Variants in CSRNP3 observed in about 807,000 individuals in gnomAD.
The protein encoded by CSRNP3 is cysteine/serine-rich nuclear protein 3.
CSRNP3 carries 12 observed loss-of-function variants against 48.0 expected under a neutral mutation model. The observed-to-expected ratio is 0.25, with a 90% CI of 0.16 to 0.41. The LOEUF is 0.41. Among genes scored for constraint, CSRNP3 ranks in the 10% least tolerant of loss-of-function variants. The probability of loss-of-function intolerance (pLI) is 1.00; values close to 1 mark genes in which losing one functional copy is unlikely to be tolerated. For synonymous variants in CSRNP3, 263 were observed against 269.7 expected (o/e 0.98, Z 0.24); for missense variants, 580 against 724.4 (o/e 0.80, Z 2.29).
chr2:165,669,739 C>T (rs932581336), intron 5 of CSRNP3, among the ~76,000 whole-genome samples: 4 of 152,116 alleles, frequency 2.6e-5, no homozygotes, highest in Non-Finnish European at 5.9e-5. Context: ...CAAGTTTACA[C>T]AGTGGCTTAA....
chr2:165,676,519 C>T lies in CSRNP3; in HGVS notation c.616C>T (p.Arg206Cys). ...AGAAAAGCACGAACTCCGAGCCATCCGCCTCTCACGAGAGGACTGTGGCTG... is the reference window on the plus strand; with the variant it reads ...AGAAAAGCACGAACTCCGAGCCATCTGCCTCTCACGAGAGGACTGTGGCTG... The part of the protein sequence containing the change: ...VEEKHELRAI[R>C]LSREDCGCDC... Residue 206 changes from arginine (R) to cysteine (C), a missense_variant, in exon 6 of 7, where the codon CGC becomes TGC. By Grantham distance (180) the Arg-to-Cys change is radical (BLOSUM62 -3). Around this residue, in one of 4 missense-constraint regions of CSRNP3, gnomAD observed 66 missense variants for 137.6 expected, o/e 0.48. Coordinates refer to ENST00000651982, the MANE Select transcript of CSRNP3 (RefSeq NM_001172173.2). The T allele has an allele frequency of 2.5e-6, 4 of 1,613,972 alleles. No homozygotes were observed. Among genetic ancestry groups the T allele is most frequent in the Non-Finnish European group, 3.4e-6 (4 of 1,179,884 alleles).
At chr2:165,621,212 A>C (rs1686333715) in intron 4 of CSRNP3, among the ~76,000 whole-genome samples, 1 of 151,702 alleles carries the variant, frequency 6.6e-6, no homozygotes, top group Non-Finnish European at 1.5e-5. Flanking sequence ...GTCCTGTCTG[A>C]CCACAGATGT....
At chr2:165,517,771 T>C (rs1382635936) in intron 2 of CSRNP3, 102 bp from the exon 3 acceptor site, 1 of 152,414 alleles carries the variant, frequency 6.6e-6, no homozygotes, top group Non-Finnish European at 1.5e-5. Flanking sequence ...AAGATTTCTA[T>C]TGATTTTCTC....
At chr2:165,481,069 A>G (rs1407274057) in intron 1 of CSRNP3, among the ~76,000 whole-genome samples, 1 of 151,998 alleles carries the variant, frequency 6.6e-6, no homozygotes, top group African/African-American at 2.4e-5. Flanking sequence ...AATAAACCAA[A>G]CATGTCCCTT....
intron 4 of CSRNP3, among the ~76,000 whole-genome samples, chr2:165,653,418 G>A (rs1043512333): frequency 2.0e-4 from 30 of 152,194 alleles, no homozygotes; most frequent in African/African-American, 6.5e-4. Flanking sequence ...CCTTTTGACA[G>A]TGTCAGCTCT....
intron 1 of CSRNP3, among the ~76,000 whole-genome samples, chr2:165,489,328 C>A (rs1456101789): frequency 7.0e-6 from 1 of 143,374 alleles, no homozygotes; most frequent in Admixed American, 7.0e-5. Context: ...CAAAAAGAGT[C>A]CAGGACCAGA....
chr2:165,653,377 TAATA>T (rs901860524), intron 4 of CSRNP3, among the ~76,000 whole-genome samples: 27 of 152,326 alleles, frequency 1.8e-4, no homozygotes, highest in African/African-American at 6.3e-4. Flanking sequence ...TTATGAACCC[TAATA>T]GATAGGAGGA....
chr2:165,678,611 T>C lies in CSRNP3; in HGVS notation c.706-90T>C, dbSNP rs1359621491. Reference sequence around the variant, plus strand: ...CATATGTGGAATTAAGTGGATGGATTACTTAATTCAAAGAAGTTACTGAAA... The same window carrying C: ...CATATGTGGAATTAAGTGGATGGATCACTTAATTCAAAGAAGTTACTGAAA... On this transcript the variant is annotated intron_variant, in intron 6 of 6. Coordinates refer to ENST00000651982, the MANE Select transcript of CSRNP3 (RefSeq NM_001172173.2). 5 of 1,430,300 alleles carry C rather than the reference T, an allele frequency of 3.5e-6. No homozygotes were observed. The East Asian group carries it at 1.1e-4, about 33-fold the overall frequency. The allele number at this position is 1,430,300 out of a possible 1,614,324, so 88.6% of individuals were successfully genotyped here.
chr2:165,529,037 G>A (rs945060136), intron 3 of CSRNP3, among the ~76,000 whole-genome samples: 1 of 148,400 alleles, frequency 6.7e-6, no homozygotes, highest in Non-Finnish European at 1.5e-5. Context: ...TTTGGACCCA[G>A]GGGTCCCTGC....
At chr2:165,477,470 TATATATATATGAA>T (rs1486302656) in intron 1 of CSRNP3, among the ~76,000 whole-genome samples, 2 of 124,490 alleles carry the variant, frequency 1.6e-5, no homozygotes, top group East Asian at 2.4e-4. Context: ...AATACAAATA[TATATATATATGAA>T]ATATATATAT....
intron 2 of CSRNP3, among the ~76,000 whole-genome samples, chr2:165,507,512 T>A (rs1684443014): frequency 6.6e-6 from 1 of 152,198 alleles, no homozygotes; most frequent in Admixed American, 6.5e-5. Flanking sequence ...CACTTTATCA[T>A]AAAGGCATCT....
At chr2:165,520,105 A>G (rs1200977216) in intron 3 of CSRNP3, among the ~76,000 whole-genome samples, 5 of 152,238 alleles carry the variant, frequency 3.3e-5, no homozygotes, top group African/African-American at 1.2e-4. Flanking sequence ...TACAGTTACT[A>G]CAAGTATATG....
Position 165,679,951 on chromosome 2 carries a change from A to G in CSRNP3, c.*198A>G, listed in dbSNP as rs1687506017. The stretch of plus-strand genomic sequence containing the variant: ...AAATACAGTCTCTGTAGGGATTTTA[A>G]AAGATTTCAGACTGTTTTGATAGAA... On this transcript the variant is annotated 3_prime_UTR_variant, in exon 7 of 7. Coordinates refer to ENST00000651982, the MANE Select transcript of CSRNP3 (RefSeq NM_001172173.2). The G allele has an allele frequency of 1.4e-6, 1 of 716,230 alleles. No homozygotes were observed. Among genetic ancestry groups the G allele is most frequent in the African/African-American group, 1.8e-5 (1 of 55,982 alleles). The allele number at this position is 716,230 out of a possible 1,614,324, so 44.4% of individuals were successfully genotyped here.
intron 3 of CSRNP3, among the ~76,000 whole-genome samples, chr2:165,520,611 AT>A (rs1684638206): frequency 6.6e-6 from 1 of 151,304 alleles, no homozygotes; most frequent in African/African-American, 2.4e-5. Context: ...GCAGTATATC[AT>A]CTAAAGGACA....
intron 4 of CSRNP3, among the ~76,000 whole-genome samples, chr2:165,653,469 T>C (rs79473302): frequency 0.025 from 3,877 of 152,250 alleles, 159 homozygotes; most frequent in African/African-American, 0.088. Context: ...CCTGACACTA[T>C]TGTCGTCTTC....
chr2:165,671,894 A>G (rs1404177411), intron 5 of CSRNP3, among the ~76,000 whole-genome samples: 1 of 152,132 alleles, frequency 6.6e-6, no homozygotes, highest in Non-Finnish European at 1.5e-5. Context: ...AAAGTTCCAC[A>G]TATCTCTAGA....
chr2:165,569,564 T>C (rs1267105459), intron 3 of CSRNP3, among the ~76,000 whole-genome samples: 1 of 152,200 alleles, frequency 6.6e-6, no homozygotes, highest in Admixed American at 6.6e-5. Context: ...TTTTTTCCAA[T>C]TCACAGCTTT....
chr2:165,495,680 C>T (rs1449032958), intron 2 of CSRNP3, among the ~76,000 whole-genome samples: 1 of 152,030 alleles, frequency 6.6e-6, no homozygotes, highest in African/African-American at 2.4e-5. Context: ...GAAGAGTTAA[C>T]ATGCAAAGCA....
intron 3 of CSRNP3, among the ~76,000 whole-genome samples, chr2:165,529,755 C>T (rs1017875973): frequency 6.6e-6 from 1 of 152,004 alleles, no homozygotes. Context: ...CTTATTTATT[C>T]AGAACATATA....
Sources: allele counts gnomAD v4.1 joint callset (sites outside exome capture counted in the v4.1 genomes callset), GRCh38; gene constraint gnomAD v4.1.1; regional missense constraint gnomAD v4.1.1; transcripts MANE v1.5; gene names NCBI Gene and HGNC (gene_info 2026-07-23, HGNC 2026-07-21).